GPC5: variants seen among roughly 807,000 people sequenced by gnomAD.
GPC5 encodes glypican-5.
GPC5 carries 47 observed loss-of-function variants against 53.9 expected under a neutral mutation model. The observed-to-expected ratio is 0.87, with a 90% CI of 0.69 to 1.11. The LOEUF is 1.11. Ranked by LOEUF, GPC5 falls within the 50% of genes most tolerant of loss-of-function variation. The pLI is 0.00. For synonymous variants in GPC5, 286 were observed against 263.3 expected, an observed-to-expected ratio of 1.09 and a Z score of -0.84; for missense variants, 748 against 713.1, an observed-to-expected ratio of 1.05 and a Z score of -0.56.
intron 7 of GPC5, among the ~76,000 whole-genome samples, chr13:92,263,953 C>A (rs1436150034): frequency 6.6e-6 from 1 of 152,106 alleles, no homozygotes; most frequent in Non-Finnish European, 1.5e-5. Flanking sequence ...AATTGTATGT[C>A]TCAAAATTCC....
chr13:91,429,870 T>A (rs926570686), intron 1 of GPC5, among the ~76,000 whole-genome samples: 3 of 152,226 alleles, frequency 2.0e-5, no homozygotes, highest in African/African-American at 7.2e-5. Context: ...CGTAGACCAC[T>A]TTTAAAATTT....
At chr13:92,054,666 T>G (rs1348977480) in intron 6 of GPC5, among the ~76,000 whole-genome samples, 1 of 152,202 alleles carries the variant, frequency 6.6e-6, no homozygotes, top group Non-Finnish European at 1.5e-5. Flanking sequence ...TATAAATATT[T>G]GCTATCTGCA....
At chr13:91,712,179 G>C (rs2036239468) in intron 3 of GPC5, among the ~76,000 whole-genome samples, 1 of 151,854 alleles carries the variant, frequency 6.6e-6, no homozygotes, top group African/African-American at 2.4e-5. Context: ...TTTATACCAA[G>C]CAACCATTTT....
chr13:91,737,848 A>C (rs2036847495), intron 4 of GPC5, among the ~76,000 whole-genome samples: 1 of 151,454 alleles, frequency 6.6e-6, no homozygotes, highest in Middle Eastern at 3.2e-3. Context: ...TCTTCCTTCC[A>C]CACTCTGAAA....
At chr13:92,774,635 C>T (rs969104278) in intron 7 of GPC5, among the ~76,000 whole-genome samples, 5 of 152,136 alleles carry the variant, frequency 3.3e-5, no homozygotes, top group African/African-American at 9.7e-5. Flanking sequence ...TTCTCTTAAT[C>T]ATCCATATTT....
At chr13:92,827,700 C>T (rs2138817295) in intron 7 of GPC5, among the ~76,000 whole-genome samples, 1 of 152,164 alleles carries the variant, frequency 6.6e-6, no homozygotes, top group South Asian at 2.1e-4. Context: ...GCCTTCGGTT[C>T]CTTGATGACA....
intron 2 of GPC5, among the ~76,000 whole-genome samples, chr13:91,560,851 A>G (rs1359454297): frequency 6.6e-6 from 1 of 151,960 alleles, no homozygotes; most frequent in African/African-American, 2.4e-5. Context: ...GAGAGTTCTG[A>G]CTCTTGCCCA....
At chr13:91,414,652 ATC>A (rs1368556526) in intron 1 of GPC5, among the ~76,000 whole-genome samples, 1 of 152,136 alleles carries the variant, frequency 6.6e-6, no homozygotes, top group Admixed American at 6.5e-5. Context: ...GTGCTTACAA[ATC>A]TCTCTGTTTG....
At chr13:91,910,392 A>C (rs1280321316) in intron 6 of GPC5, among the ~76,000 whole-genome samples, 2 of 152,218 alleles carry the variant, frequency 1.3e-5, no homozygotes, top group Non-Finnish European at 2.9e-5. Flanking sequence ...AGACGTCGAC[A>C]TAGGAATAGG....
chr13:91,501,851 CA>C (rs1594175632), intron 2 of GPC5, among the ~76,000 whole-genome samples: 1 of 152,206 alleles, frequency 6.6e-6, no homozygotes, highest in Non-Finnish European at 1.5e-5. Context: ...AACTAGTTTA[CA>C]GTTCCACCAA....
chr13:92,279,629 A>G (rs1455970075), intron 7 of GPC5, among the ~76,000 whole-genome samples: 1 of 151,886 alleles, frequency 6.6e-6, no homozygotes, highest in Non-Finnish European at 1.5e-5. Flanking sequence ...TATTATTATG[A>G]AAGGGTATTG....
chr13:91,410,975 G>A (rs1254657214), intron 1 of GPC5, among the ~76,000 whole-genome samples: 2 of 152,108 alleles, frequency 1.3e-5, no homozygotes, highest in African/African-American at 4.8e-5. Flanking sequence ...TGGGCGTAGT[G>A]GCACGTGCCT....
intron 7 of GPC5, among the ~76,000 whole-genome samples, chr13:92,457,632 G>A (rs890810030): frequency 1.3e-5 from 2 of 152,052 alleles, no homozygotes; most frequent in African/African-American, 4.8e-5. Context: ...TAGTATTCAG[G>A]GTTGTCATAA....
intron 7 of GPC5, chr13:92,241,190 A>G (rs1341789339): frequency 6.6e-6 from 1 of 152,178 alleles, no homozygotes; most frequent in Non-Finnish European, 1.5e-5. Context: ...ATAAAAGAAG[A>G]TGAACATCAG....
rs376790867 is a variant in GPC5 at position 92,297,372 on chromosome 13, G to T, written c.1561+152383G>T. Among the ~76,000 whole-genome samples the T allele has an allele frequency of 9.6e-5, 14 of 145,386 alleles. No homozygotes were observed. In the East Asian group the frequency reaches 2.9e-3, roughly 30 times the overall value. Reference sequence around the variant, plus strand: ...AATCAGCACCCTGTGTTTAGCTCAAGGTTTGTGAGTGCACCAATCGACACT... The same window carrying T: ...AATCAGCACCCTGTGTTTAGCTCAATGTTTGTGAGTGCACCAATCGACACT... On this transcript the variant is annotated intron_variant, in intron 7 of 7. Coordinates refer to ENST00000377067, the MANE Select transcript of GPC5 (RefSeq NM_004466.6).
chr13:92,385,487 C>CATATATACACATACATAT (rs1566567682), intron 7 of GPC5, among the ~76,000 whole-genome samples: 1 of 55,470 alleles, frequency 1.8e-5, no homozygotes, highest in Non-Finnish European at 3.3e-5. Context: ...TACATATATA[C>CATATATACACATACATAT]ACATATATAC....
chr13:92,339,372 G>A (rs2043347696), intron 7 of GPC5, among the ~76,000 whole-genome samples: 1 of 151,912 alleles, frequency 6.6e-6, no homozygotes, highest in African/African-American at 2.4e-5. Flanking sequence ...TTTCCAATAA[G>A]AATGCCTTGT....
At chr13:92,122,903 G>A (rs2041662617) in intron 6 of GPC5, among the ~76,000 whole-genome samples, 1 of 151,900 alleles carries the variant, frequency 6.6e-6, no homozygotes, top group African/African-American at 2.4e-5. Context: ...TTTAAAGCAT[G>A]CAAATCATTT....
At chr13:91,617,198 C>A (rs1422610032) in intron 2 of GPC5, among the ~76,000 whole-genome samples, 1 of 152,120 alleles carries the variant, frequency 6.6e-6, no homozygotes, top group East Asian at 1.9e-4. Context: ...TGTTCAGGAG[C>A]AAAATGCGTA....
Sources: allele counts gnomAD v4.1 joint callset (sites outside exome capture counted in the v4.1 genomes callset), GRCh38; gene constraint gnomAD v4.1.1; transcripts MANE v1.5; gene names NCBI Gene and HGNC (gene_info 2026-07-23, HGNC 2026-07-21).